Variants in MMAA observed in about 807,000 individuals in gnomAD.
MMAA encodes the protein metabolism of cobalamin associated A.
MMAA carries 41 observed loss-of-function variants against 45.0 expected under a neutral mutation model. That is an observed-to-expected ratio of 0.91 (90% CI 0.71 to 1.18). The LOEUF is 1.18. Ranked by LOEUF, MMAA falls within the 50% of genes most tolerant of loss-of-function variation. MMAA has a pLI of 0.00. For synonymous variants in MMAA, 154 were observed against 178.2 expected (o/e 0.86, Z 1.08); for missense variants, 460 against 495.7 (o/e 0.93, Z 0.68).
intron 1 of MMAA, chr4:145,625,797 A>G: frequency 1.7e-6 from 2 of 1,168,554 alleles, no homozygotes; most frequent in South Asian, 2.4e-5. Context: ...CTCCTCTTTA[A>G]GCTGATAGAT....
At position 145,654,004 on chromosome 4, in the gene MMAA, G is replaced by A. The variant is rs200254160; in HGVS notation, c.830G>A (p.Arg277Lys). The A allele has an allele frequency of 1.9e-6, 3 of 1,614,136 alleles. No homozygotes were observed. The Admixed American group carries it at 5.0e-5, about 27-fold the overall frequency. Residue 277 changes from arginine (R) to lysine (K), a missense_variant, in exon 6 of 7, where the codon AGG becomes AAG. Transcript: ENST00000649156. ...AGGDELQGIK[R>K]GIIEMADLVA... ...TTCTGATCTCTTTAGGGTATCAAAA[G>A]GGGTATAATCGAGATGGCAGATCTG...
intron 1 of MMAA, chr4:145,626,109 C>G: frequency 1.7e-6 from 1 of 591,528 alleles, no homozygotes; most frequent in Non-Finnish European, 3.0e-6. Flanking sequence ...GAGACACGGC[C>G]CCACACAAAC....
intron 4 of MMAA, among the ~76,000 whole-genome samples, chr4:145,650,193 T>C (rs898729520): frequency 1.3e-5 from 2 of 152,172 alleles, no homozygotes; most frequent in African/African-American, 4.8e-5. Flanking sequence ...TTGAGCACAA[T>C]TTATGTATTG....
At chr4:145,631,251 A>G (rs930729569) in intron 1 of MMAA, among the ~76,000 whole-genome samples, 1 of 152,174 alleles carries the variant, frequency 6.6e-6, no homozygotes, top group Non-Finnish European at 1.5e-5. Context: ...TGGGGTGTTG[A>G]AGTCTCCAGC....
chr4:145,645,480 G>A (rs544763592), intron 3 of MMAA, among the ~76,000 whole-genome samples: 9 of 152,292 alleles, frequency 5.9e-5, no homozygotes, highest in African/African-American at 2.2e-4. Flanking sequence ...TGTAGCTGAG[G>A]AAAGAGGATT....
intron 1 of MMAA, among the ~76,000 whole-genome samples, chr4:145,629,788 T>G (rs2126610493): frequency 6.6e-6 from 1 of 152,220 alleles, no homozygotes; most frequent in East Asian, 1.9e-4. Context: ...AGACTCCTGT[T>G]TTTAAAACCA....
chr4:145,625,068 C>T (rs1035920449), intron 1 of MMAA: 16 of 925,922 alleles, frequency 1.7e-5, no homozygotes, highest in African/African-American at 8.1e-5. Context: ...CTGCCATTCT[C>T]GGGCTTCCCC....
rs1003580214 is a variant in MMAA at position 145,625,655 on chromosome 4, A to G, written c.-66+6248A>G. 14 of 1,153,432 alleles carry G rather than the reference A, an allele frequency of 1.2e-5. No homozygotes were observed. The African/African-American group carries it at 2.1e-4, about 18-fold the overall frequency. The allele number at this position is 1,153,432 out of a possible 1,614,324, so 71.4% of individuals were successfully genotyped here. A position where few individuals can be genotyped will look rare whatever the true frequency, so the allele number is the denominator to read the frequency against. The stretch of plus-strand genomic sequence containing the variant: ...TTGAATCTTCATACTTAAGGGTCAA[A>G]CTGCCCAGTCTCTCTAGGCACACAG... On this transcript the variant is annotated intron_variant, in intron 1 of 6. Transcript: ENST00000649156.
At chr4:145,624,423 A>T in intron 1 of MMAA, 2 of 790,144 alleles carry the variant, frequency 2.5e-6, no homozygotes, top group Middle Eastern at 3.4e-4. Context: ...GGAAGTGCTC[A>T]TGGGGCTTTT....
At chr4:145,635,611 T>G (rs769783695) in intron 1 of MMAA, among the ~76,000 whole-genome samples, 1 of 152,224 alleles carries the variant, frequency 6.6e-6, no homozygotes, top group Non-Finnish European at 1.5e-5. Context: ...TGAACACAGC[T>G]TGTTTGGTAA....
intron 3 of MMAA, 43 bp from the exon 4 acceptor site, chr4:145,645,943 G>C: frequency 6.2e-7 from 1 of 1,603,670 alleles, no homozygotes; most frequent in Non-Finnish European, 8.5e-7. Context: ...TAATTGACCC[G>C]TAAAACTGTT....
chr4:145,639,251 A>G lies in MMAA; in HGVS notation c.112A>G (p.Ile38Val), dbSNP rs139395700. Residue 38 changes from isoleucine (I) to valine (V), a missense_variant, in exon 2 of 7, where the codon ATC becomes GTC. Physicochemically the swap from Ile to Val is conservative, Grantham distance 29. Coordinates refer to ENST00000649156, the MANE Select transcript of MMAA (RefSeq NM_172250.3). ...FHSSTHLGSG[I>V]PCAQPFNSLG... ...CTCAAGTACTCATCTCGGATCAGGAATCCCATGTGCTCAGCCGTTTAATTC... is the reference window on the plus strand; with the variant it reads ...CTCAAGTACTCATCTCGGATCAGGAGTCCCATGTGCTCAGCCGTTTAATTC... The G allele has an allele frequency of 1.9e-6, 3 of 1,614,062 alleles. No individual in the cohort carries two copies. In the African/African-American group the frequency reaches 4.0e-5, roughly 22 times the overall value.
intron 1 of MMAA, 33 bp from the exon 2 acceptor site, chr4:145,639,042 T>G: frequency 9.0e-7 from 1 of 1,114,542 alleles, no homozygotes; most frequent in Non-Finnish European, 1.4e-6. Context: ...TAGTTATATA[T>G]CGAACTGGCT....
intron 1 of MMAA, among the ~76,000 whole-genome samples, chr4:145,638,477 G>T (rs1727685927): frequency 6.6e-6 from 1 of 152,232 alleles, no homozygotes; most frequent in African/African-American, 2.4e-5. Flanking sequence ...AAGCACCCAG[G>T]TGGCTCTGAC....
rs1578865642 is a variant in MMAA, at chr4:145,620,297, A to G, written c.-66+890A>G. Among the ~76,000 whole-genome samples the G allele has an allele frequency of 2.6e-5, 4 of 152,366 alleles. No individual in the cohort carries two copies. The East Asian group carries it at 7.7e-4, about 29-fold the overall frequency. On this transcript the variant is annotated intron_variant, in intron 1 of 6. Coordinates refer to ENST00000649156, the MANE Select transcript of MMAA (RefSeq NM_172250.3). ...TTCTATTAGGAGAGACAAAACAAGC[A>G]TGAAAAGTTACATATCCATAAGAAA...
At chr4:145,642,585 A>C in intron 3 of MMAA, 100 bp downstream of exon 3, 1 of 1,526,820 alleles carries the variant, frequency 6.5e-7, no homozygotes, top group Non-Finnish European at 9.0e-7. Context: ...ACTGCTAGCT[A>C]AGTTTGGTCT....
At chr4:145,653,086 T>A (rs1184389361) in intron 5 of MMAA, among the ~76,000 whole-genome samples, 2 of 152,170 alleles carry the variant, frequency 1.3e-5, no homozygotes, top group Non-Finnish European at 2.9e-5. Flanking sequence ...TTGCCCGAGT[T>A]GGTCTTGAAC....
chr4:145,624,957 G>T, intron 1 of MMAA: 16 of 1,151,468 alleles, frequency 1.4e-5, no homozygotes, highest in Non-Finnish European at 2.1e-5. Flanking sequence ...ATACCTTTGG[G>T]CTGGTTTCCC....
chr4:145,637,473 AGTT>A (rs1022127597), intron 1 of MMAA, among the ~76,000 whole-genome samples: 17 of 152,242 alleles, frequency 1.1e-4, no homozygotes, highest in African/African-American at 3.9e-4. Context: ...ATAGAGAAAA[AGTT>A]GTTGTTTTTG....
Sources: gnomAD v4.1 joint callset for allele counts (sites outside exome capture counted in the v4.1 genomes callset) on GRCh38, gnomAD v4.1.1 for gene constraint, MANE v1.5 for transcripts, NCBI Gene and HGNC (gene_info 2026-07-23, HGNC 2026-07-21) for gene names.